Variants in FRAS1 observed in about 807,000 individuals in gnomAD.
FRAS1 encodes Fraser extracellular matrix complex subunit 1.
Under a neutral mutation model 435.2 loss-of-function variants are expected in FRAS1, and 290 were observed. The observed-to-expected ratio is 0.67, with a 90% confidence interval of 0.61 to 0.73. The LOEUF (loss-of-function observed/expected upper bound fraction) is 0.73, where lower values mean the gene tolerates loss of function less well. Ranked by LOEUF, FRAS1 falls within the 30% of genes least tolerant of loss-of-function variation. The probability of loss-of-function intolerance (pLI) is 0.00; values close to 1 mark genes in which losing one functional copy is unlikely to be tolerated. For missense variants in FRAS1, 4,860 were observed against 5,001.5 expected, an observed-to-expected ratio of 0.97 and a Z score of 0.85; for synonymous variants, 1,800 against 1,851.0, an observed-to-expected ratio of 0.97 and a Z score of 0.71.
At chr4:78,489,862 T>C (rs1239802992) in intron 59 of FRAS1, among the ~76,000 whole-genome samples, 4 of 148,110 alleles carry the variant, frequency 2.7e-5, no homozygotes, top group Non-Finnish European at 4.4e-5. Flanking sequence ...TAGGACCAAA[T>C]AGGCAGATGT....
intron 62 of FRAS1, 120 bp from the exon 63 acceptor site, chr4:78,508,611 G>C: frequency 9.9e-7 from 1 of 1,006,676 alleles, no homozygotes; most frequent in East Asian, 2.6e-5. Flanking sequence ...AACTTCTCCT[G>C]TTATATTTCA....
rs905049533 is a variant in FRAS1 at position 78,136,568 on chromosome 4, G to T, written c.108+70552G>T. 3.3e-5 allele frequency among the ~76,000 whole-genome samples: 5 copies of T among 152,290 alleles called. No homozygotes were observed. In the East Asian group the frequency reaches 9.7e-4, roughly 29 times the overall value. ...AATAGGATTATAACACTTTAGAGTT[G>T]GAAGCAACTTTAGACAGCACGCAGT... On this transcript the variant is annotated intron_variant, in intron 2 of 73. Coordinates refer to ENST00000512123, the MANE Select transcript of FRAS1 (RefSeq NM_025074.7).
At chr4:78,539,271 A>T in intron 72 of FRAS1, 23 bp from the exon 73 acceptor site, 1 of 1,598,766 alleles carries the variant, frequency 6.3e-7, no homozygotes, top group Non-Finnish European at 8.5e-7. Flanking sequence ...TAAATCTTGC[A>T]TTTCTTTTTT....
chr4:78,500,413 G>A (rs907930915), intron 61 of FRAS1, among the ~76,000 whole-genome samples: 8 of 152,140 alleles, frequency 5.3e-5, no homozygotes, highest in South Asian at 2.1e-4. Context: ...GAGAGATGGC[G>A]TTCAGGTCAT....
At chr4:78,214,490 C>A (rs1279126867) in intron 2 of FRAS1, among the ~76,000 whole-genome samples, 1 of 152,208 alleles carries the variant, frequency 6.6e-6, no homozygotes, top group African/African-American at 2.4e-5. Flanking sequence ...CCTTCATCTG[C>A]CTTTCCCATT....
intron 14 of FRAS1, among the ~76,000 whole-genome samples, chr4:78,294,282 C>T (rs560700424): frequency 2.6e-5 from 4 of 152,268 alleles, no homozygotes; most frequent in East Asian, 3.9e-4. Flanking sequence ...TTTGCGGTCC[C>T]GCCTTTGGCT....
chr4:78,239,035 C>G (rs1465261990), intron 3 of FRAS1, among the ~76,000 whole-genome samples: 1 of 152,152 alleles, frequency 6.6e-6, no homozygotes, highest in Non-Finnish European at 1.5e-5. Flanking sequence ...CACGGGCTCA[C>G]TTATTTGTTT....
chr4:78,221,309 A>G (rs911152831), intron 2 of FRAS1, among the ~76,000 whole-genome samples: 6 of 152,204 alleles, frequency 3.9e-5, no homozygotes, highest in Admixed American at 1.3e-4. Flanking sequence ...TCTGTAAAAC[A>G]TCTTTACTTA....
intron 37 of FRAS1, among the ~76,000 whole-genome samples, chr4:78,430,902 T>G (rs1734194643): frequency 6.6e-6 from 1 of 152,246 alleles, no homozygotes; most frequent in Non-Finnish European, 1.5e-5. Flanking sequence ...TGTGGTAATG[T>G]GATCGGCTTT....
intron 14 of FRAS1, among the ~76,000 whole-genome samples, chr4:78,304,131 T>C (rs1243690185): frequency 6.7e-6 from 1 of 149,902 alleles, no homozygotes; most frequent in Non-Finnish European, 1.5e-5. Flanking sequence ...TTTTTGTCTT[T>C]GGTTCTGTTT....
At chr4:78,231,679 C>A (rs1008491215) in intron 2 of FRAS1, among the ~76,000 whole-genome samples, 3 of 151,554 alleles carry the variant, frequency 2.0e-5, no homozygotes, top group Non-Finnish European at 2.9e-5. Context: ...ATAAATAATC[C>A]CCCCCAGAAA....
At chr4:78,142,516 T>A (rs1720236554) in intron 2 of FRAS1, among the ~76,000 whole-genome samples, 1 of 151,952 alleles carries the variant, frequency 6.6e-6, no homozygotes, top group Admixed American at 6.6e-5. Context: ...TCCGTCAGGG[T>A]TGCAGATAAT....
At chr4:78,167,087 T>C (rs547438990) in intron 2 of FRAS1, among the ~76,000 whole-genome samples, 1 of 152,340 alleles carries the variant, frequency 6.6e-6, no homozygotes, top group South Asian at 2.1e-4. Context: ...ATCAGTATAG[T>C]TGCCCTAACT....
chr4:78,292,084 T>C (rs73827943), intron 14 of FRAS1, among the ~76,000 whole-genome samples: 6,907 of 152,334 alleles, frequency 0.045, 544 homozygotes, highest in African/African-American at 0.16. Flanking sequence ...GTATGTGGAC[T>C]GTAAAAGGCA....
chr4:78,159,967 G>A (rs746277346), intron 2 of FRAS1, among the ~76,000 whole-genome samples: 2 of 152,152 alleles, frequency 1.3e-5, no homozygotes, highest in Non-Finnish European at 2.9e-5. Context: ...TAAACATTTA[G>A]AGTGTTTTCC....
At chr4:78,355,909 A>T (rs1730835551) in intron 20 of FRAS1, among the ~76,000 whole-genome samples, 1 of 152,210 alleles carries the variant, frequency 6.6e-6, no homozygotes, top group South Asian at 2.1e-4. Flanking sequence ...TGGGCCCATC[A>T]AAGATCTGAA....
intron 2 of FRAS1, among the ~76,000 whole-genome samples, chr4:78,172,050 T>C (rs1434423428): frequency 6.6e-6 from 1 of 152,134 alleles, no homozygotes; most frequent in Non-Finnish European, 1.5e-5. Flanking sequence ...GGCCTTGACT[T>C]CTGACCTCTC....
intron 25 of FRAS1, 86 bp from the exon 26 acceptor site, chr4:78,375,653 C>G: frequency 8.3e-6 from 10 of 1,204,158 alleles, no homozygotes; most frequent in Non-Finnish European, 1.0e-5. Flanking sequence ...TGCATGTGCT[C>G]TGACTCTTCT....
chr4:78,196,310 TTTCTTATTTATA>T (rs1291131932), intron 2 of FRAS1, among the ~76,000 whole-genome samples: 1 of 152,190 alleles, frequency 6.6e-6, no homozygotes. Flanking sequence ...CCCAGCCAGA[TTTCTTATTTATA>T]ACAAGATCAT....
Sources: gnomAD v4.1 joint callset for allele counts (sites outside exome capture counted in the v4.1 genomes callset) on GRCh38, gnomAD v4.1.1 for gene constraint, MANE v1.5 for transcripts, NCBI Gene and HGNC (gene_info 2026-07-23, HGNC 2026-07-21) for gene names.